DPYSL4: variants seen among roughly 807,000 people sequenced by gnomAD.
The protein encoded by DPYSL4 is dihydropyrimidinase-related protein 4.
DPYSL4 carries 43 observed loss-of-function variants against 63.4 expected under a neutral mutation model. The observed-to-expected ratio is 0.68, with a 90% confidence interval of 0.53 to 0.88. The LOEUF (loss-of-function observed/expected upper bound fraction) is 0.88, where lower values mean the gene tolerates loss of function less well. Ranked by LOEUF, DPYSL4 falls within the 40% of genes least tolerant of loss-of-function variation. DPYSL4 has a pLI of 0.00. For synonymous variants in DPYSL4, 353 were observed against 331.7 expected (o/e 1.06, Z -0.70); for missense variants, 733 against 819.5 (o/e 0.89, Z 1.29).
chr10:132,194,786 A>C lies in DPYSL4; in HGVS notation c.314-59A>C, dbSNP rs561179292. Reference sequence around the variant, plus strand: ...CATGAAACAGAATCTCCCATGGAGGAGGCAGAGGTGGGAACCAGGGACCAG... The same window carrying C: ...CATGAAACAGAATCTCCCATGGAGGCGGCAGAGGTGGGAACCAGGGACCAG... On this transcript the variant is annotated intron_variant, in intron 3 of 13. Coordinates refer to ENST00000338492, the MANE Select transcript of DPYSL4 (RefSeq NM_006426.3). 28 of 1,581,068 alleles carry C rather than the reference A, an allele frequency of 1.8e-5. No homozygotes were observed. The East Asian group carries it at 4.7e-4, about 27-fold the overall frequency.
At position 132,192,655 on chromosome 10, in the gene DPYSL4, C is replaced by T. The variant is rs753001389; in HGVS notation, c.129-3C>T. ...TAACCAGTGAAATCTCTGCTGCTTT[C>T]AGACAAATCGGAGAAAACCTCATCG... is the stretch of plus-strand genomic sequence containing the variant. On this transcript the variant is annotated splice_region_variant and splice_polypyrimidine_tract_variant and intron_variant, in intron 2 of 13. Transcript: ENST00000338492. The T allele has an allele frequency of 1.7e-5, 27 of 1,598,618 alleles. No homozygotes were observed. The South Asian group carries it at 2.9e-4, about 17-fold the overall frequency.
chr10:132,187,245 C>T (rs1304599243), intron 1 of DPYSL4, 143 bp downstream of exon 1: 2 of 548,496 alleles, frequency 3.6e-6, no homozygotes, highest in Non-Finnish European at 6.2e-6. Flanking sequence ...CCCGCCCTTC[C>T]CTGCTCGGCT....
In DPYSL4 at chr10:132,187,763, A is replaced by T. The variant is rs545963013; in HGVS notation, c.39+661A>T. On this transcript the variant is annotated intron_variant, in intron 1 of 13. Transcript: ENST00000338492. ...TGGCCGGGAACCCTGGCAGCCCCTG[A>T]ACCTTCGAGAGCAGAGACCCCTCCC... Among the ~76,000 whole-genome samples the T allele has an allele frequency of 1.2e-4, 18 of 152,290 alleles. 1 individual carries two copies. The highest frequency in any genetic ancestry group is 9.7e-4 in the East Asian group (5 of 5,164).
chr10:132,196,379 C>A (rs2061944555), intron 4 of DPYSL4, among the ~76,000 whole-genome samples: 1 of 152,256 alleles, frequency 6.6e-6, no homozygotes, highest in African/African-American at 2.4e-5. Flanking sequence ...GTCCCACAAG[C>A]CTGCACTGTG....
chr10:132,187,821 G>T (rs2061825311), intron 1 of DPYSL4, among the ~76,000 whole-genome samples: 1 of 152,212 alleles, frequency 6.6e-6, no homozygotes, highest in Non-Finnish European at 1.5e-5. Flanking sequence ...GGGAGGTCCC[G>T]CTCTGCCAGA....
intron 8 of DPYSL4, 28 bp downstream of exon 8, chr10:132,198,999 C>G: frequency 2.5e-6 from 3 of 1,219,382 alleles, no homozygotes; most frequent in Non-Finnish European, 3.4e-6. Flanking sequence ...CCTCTGATGC[C>G]GAGGGGCCAT....
At chr10:132,196,992 A>G in intron 5 of DPYSL4, 29 bp from the exon 6 acceptor site, 1 of 1,612,504 alleles carries the variant, frequency 6.2e-7, no homozygotes, top group Non-Finnish European at 8.5e-7. Context: ...GCGCAGCCCC[A>G]CCCAGGACGC....
chr10:132,187,525 G>C (rs2061819260), intron 1 of DPYSL4, among the ~76,000 whole-genome samples: 1 of 152,076 alleles, frequency 6.6e-6, no homozygotes, highest in African/African-American at 2.4e-5. Context: ...GCCCTTTGTT[G>C]GCCCGGGCTG....
intron 6 of DPYSL4, 147 bp downstream of exon 6, chr10:132,197,248 T>C: frequency 1.4e-6 from 1 of 708,134 alleles, no homozygotes; most frequent in African/African-American, 1.8e-5. Context: ...GGGAGGGTCA[T>C]AGCTTACCCC....
intron 1 of DPYSL4, among the ~76,000 whole-genome samples, chr10:132,190,536 G>A (rs1170123428): frequency 1.3e-5 from 2 of 152,242 alleles, no homozygotes; most frequent in South Asian, 2.1e-4. Flanking sequence ...GCAGCTGTGG[G>A]GCGTGCGTGG....
At chr10:132,192,453 C>T (rs574499026) in intron 2 of DPYSL4, 39 of 1,283,190 alleles carry the variant, frequency 3.0e-5, no homozygotes, top group African/African-American at 1.1e-4. Flanking sequence ...AGGCTGGACC[C>T]TGCAGTGACC....
Position 132,203,759 on chromosome 10 carries a change from C to A in DPYSL4, c.1462-3C>A, listed in dbSNP as rs752821450. ...CCTGTCTCTGCCCCCACCCCCCCGG[C>A]AGCTGGCGGAGATCCACGGTGTGCC... On this transcript the variant is annotated splice_region_variant and splice_polypyrimidine_tract_variant and intron_variant, in intron 12 of 13. Transcript: ENST00000338492. 6.3e-7 allele frequency: 1 copy of A among 1,596,964 alleles called. No individual in the cohort carries two copies. Among genetic ancestry groups the A allele is most frequent in the Non-Finnish European group, 8.6e-7 (1 of 1,168,320 alleles).
At position 132,198,375 on chromosome 10, in the gene DPYSL4, C is replaced by T. The variant is rs915233931; in HGVS notation, c.622-40C>T. The T allele has an allele frequency of 1.3e-5, 20 of 1,579,608 alleles. No homozygotes were observed. The Middle Eastern group carries it at 2.0e-3, about 157-fold the overall frequency. On this transcript the variant is annotated intron_variant, in intron 6 of 13. Transcript: ENST00000338492. ...GCTTAGCATCCAAGGCCCAGGCTCC[C>T]TTCAGGGCTTGGAGCGAGGCATCCT...
Position 132,203,833 on chromosome 10 carries a change from G to C in DPYSL4, c.1533G>C (p.Lys511Asn). 1 of 1,612,920 alleles carries C rather than the reference G, an allele frequency of 6.2e-7. No homozygotes were observed. Among genetic ancestry groups the C allele is most frequent in the Non-Finnish European group, 8.5e-7 (1 of 1,179,802 alleles). Residue 511 changes from lysine (K) to asparagine (N), a missense_variant, in exon 13 of 14, where the codon AAG becomes AAC. By Grantham distance (94) the Lys-to-Asn change is moderately conservative (BLOSUM62 0). Transcript: ENST00000338492. ...GPVHEVMVPA[K>N]PGSGAPARAS... The stretch of plus-strand genomic sequence containing the variant: ...TCCACGAGGTGATGGTGCCTGCCAA[G>C]CCAGGGAGTGGCGCTCCGGCCCGCG...
At chr10:132,196,454 G>T (rs527424921) in intron 4 of DPYSL4, among the ~76,000 whole-genome samples, 1 of 152,186 alleles carries the variant, frequency 6.6e-6, no homozygotes, top group Non-Finnish European at 1.5e-5. Flanking sequence ...TGGACGGCCA[G>T]AATGCAGGTC....
chr10:132,198,701 G>T (rs2061975267), intron 7 of DPYSL4, 150 bp from the exon 8 acceptor site: 1 of 1,279,020 alleles, frequency 7.8e-7, no homozygotes, highest in Non-Finnish European at 1.1e-6. Context: ...GCGTGGGCAG[G>T]CCCAGGCACT....
At chr10:132,189,816 A>G (rs1484081641) in intron 1 of DPYSL4, among the ~76,000 whole-genome samples, 1 of 152,302 alleles carries the variant, frequency 6.6e-6, no homozygotes, top group East Asian at 1.9e-4. Context: ...ATCTCTTTAA[A>G]ACATCAAACC....
At position 132,187,008 on chromosome 10, in the gene DPYSL4, C is replaced by CGGGGGGGGGGGG; in HGVS notation, c.-55_-54insGGGGGGGGGGGG. 1 of 133,026 alleles carries CGGGGGGGGGGGG rather than the reference C, an allele frequency of 7.5e-6. No individual in the cohort carries two copies. Among genetic ancestry groups the CGGGGGGGGGGGG allele is most frequent in the Non-Finnish European group, 1.3e-5 (1 of 78,698 alleles). 8.2% of individuals were successfully genotyped at this position (133,026 alleles called of 1,614,324 possible). On this transcript the variant is annotated 5_prime_UTR_variant, in exon 1 of 14. Coordinates refer to ENST00000338492, the MANE Select transcript of DPYSL4 (RefSeq NM_006426.3). ...CGGCTCACGCGTCCCCCCGCCCGCCCGCCCGCCCGCCCGCCCCCGCTTGTG... is the reference window on the plus strand; with the variant it reads ...CGGCTCACGCGTCCCCCCGCCCGCCCGGGGGGGGGGGGGCCCGCCCGCCCGCCCCCGCTTGTG...
intron 9 of DPYSL4, 46 bp downstream of exon 9, chr10:132,200,558 A>C (rs1590103284): frequency 1.2e-6 from 2 of 1,602,350 alleles, no homozygotes; most frequent in Admixed American, 1.7e-5. Context: ...CCCGCTGCAC[A>C]CCCTGCCAAG....
Sources: allele counts gnomAD v4.1 joint callset (sites outside exome capture counted in the v4.1 genomes callset), GRCh38; gene constraint gnomAD v4.1.1; transcripts MANE v1.5; gene names NCBI Gene and HGNC (gene_info 2026-07-23, HGNC 2026-07-21).